The following VPS33B variants were observed in gnomAD, a reference collection of about 807,000 sequenced individuals.
VPS33B encodes the protein vacuolar protein sorting-associated protein 33B.
Under a neutral mutation model 95.3 loss-of-function variants are expected in VPS33B, and 80 were observed. The observed-to-expected ratio is 0.84, with a 90% CI of 0.70 to 1.01. The LOEUF (loss-of-function observed/expected upper bound fraction) is 1.01. Ranked by LOEUF, VPS33B falls within the 50% of genes least tolerant of loss-of-function variation. The probability of loss-of-function intolerance (pLI) is 0.00; values close to 1 mark genes in which losing one functional copy is unlikely to be tolerated. For missense variants in VPS33B, 715 were observed against 773.4 expected, an observed-to-expected ratio of 0.92 and a Z score of 0.90; for synonymous variants, 280 against 280.4, an observed-to-expected ratio of 1.00 and a Z score of 0.01.
chr15:91,021,594 CTGTG>C, intron 1 of VPS33B, among the ~76,000 whole-genome samples: 1 of 152,326 alleles, frequency 6.6e-6, no homozygotes, highest in Non-Finnish European at 1.5e-5. Context: ...TCAGTGGCTA[CTGTG>C]TAACTGCTGA....
chr15:91,012,477 A>C (rs2040809667), intron 5 of VPS33B, among the ~76,000 whole-genome samples: 1 of 152,122 alleles, frequency 6.6e-6, no homozygotes, highest in Admixed American at 6.5e-5. Context: ...CTAACCCAAG[A>C]CCACACAGGT....
Position 91,000,426 on chromosome 15 carries a change from C to T in VPS33B, c.1581+64G>A. 1 of 1,488,436 alleles carries T rather than the reference C, an allele frequency of 6.7e-7. No homozygotes were observed. Among genetic ancestry groups the T allele is most frequent in the Non-Finnish European group, 9.3e-7 (1 of 1,080,336 alleles). The allele number at this position is 1,488,436 out of a possible 1,614,324, so 92.2% of individuals were successfully genotyped here. On this transcript the variant is annotated intron_variant, in intron 20 of 22. Transcript: ENST00000333371. The surrounding 1 kb of genome is among the most constrained non-coding windows in gnomAD (Gnocchi z 4.9). ...AAAAAAAAAAAAACATTGAGACACGCCAGGGACCAAGAGAAAGCAGAGAGA... is the reference window on the plus strand; with the variant it reads ...AAAAAAAAAAAAACATTGAGACACGTCAGGGACCAAGAGAAAGCAGAGAGA...
In VPS33B at chr15:91,006,246, C is replaced by A. The variant is rs550132301; in HGVS notation, c.852+126G>T. ...GATGCTCTGAACTGGTGGGGAAACCCTCTCTCCCATAGACTCAGCCTCCCC... is the reference window on the plus strand; with the variant it reads ...GATGCTCTGAACTGGTGGGGAAACCATCTCTCCCATAGACTCAGCCTCCCC... On this transcript the variant is annotated intron_variant, in intron 11 of 22. Transcript: ENST00000333371. The surrounding 1 kb of genome is among the most constrained non-coding windows in gnomAD (Gnocchi z 5.4). 2.1e-6 allele frequency: 3 copies of A among 1,451,996 alleles called. No individual in the cohort carries two copies. In the African/African-American group the frequency reaches 4.2e-5, roughly 20 times the overall value. The allele number at this position is 1,451,996 out of a possible 1,614,324, so 89.9% of individuals were successfully genotyped here.
intron 1 of VPS33B, among the ~76,000 whole-genome samples, chr15:91,021,485 T>C (rs965909130): frequency 3.9e-5 from 6 of 152,238 alleles, no homozygotes; most frequent in Non-Finnish European, 7.3e-5. Flanking sequence ...ATCTACGGTC[T>C]CCTAACTGGC....
chr15:91,007,907 C>A lies in VPS33B; in HGVS notation c.461G>T (p.Ser154Ile). The stretch of plus-strand genomic sequence containing the variant: ...CCTGAAAAATTCTGGTAGTTCCATG[C>A]TCAGCAGATCCACATCAAGAGGCAG... ...SLLPLDVDLL[S>I]MELPEFFRDY... Residue 154 changes from serine to isoleucine, a missense_variant, in exon 7 of 23, where the codon AGC (serine) becomes ATC (isoleucine). Coordinates refer to ENST00000333371, the MANE Select transcript of VPS33B (RefSeq NM_018668.5). This position sits in a 1 kb window ranked among gnomAD's most constrained non-coding sequence, Gnocchi z 5.3. 1 of 1,614,198 alleles carries A rather than the reference C, an allele frequency of 6.2e-7. No individual in the cohort carries two copies. Among genetic ancestry groups the A allele is most frequent in the Non-Finnish European group, 8.5e-7 (1 of 1,180,048 alleles).
chr15:91,000,754 T>C lies in VPS33B; in HGVS notation c.1480-163A>G, dbSNP rs2151663576. 1 of 642,294 alleles carries C rather than the reference T, an allele frequency of 1.6e-6. No homozygotes were observed. Among genetic ancestry groups the C allele is most frequent in the African/African-American group, 1.8e-5 (1 of 55,088 alleles). 39.8% of individuals were successfully genotyped at this position (642,294 alleles called of 1,614,324 possible). The stretch of plus-strand genomic sequence containing the variant: ...AATCCATAACGGAAGATGGCAGTTT[T>C]TGTTCAGTAACTGCCAGTTCTCTGG... On this transcript the variant is annotated intron_variant, in intron 19 of 22. Transcript: ENST00000333371. This position sits in a 1 kb window ranked among gnomAD's most constrained non-coding sequence, Gnocchi z 4.9.
rs956703495 is a variant in VPS33B, at chr15:91,018,021, A to T, written c.97-136T>A. On this transcript the variant is annotated intron_variant, in intron 1 of 22. Transcript: ENST00000333371. This position sits in a 1 kb window ranked among gnomAD's most constrained non-coding sequence, Gnocchi z 4.7. Reference sequence around the variant, plus strand: ...TAAGTATCGTCTAGCCCGTCACCTTATTTATTATCTGTATCCACAGTTGAC... The same window carrying T: ...TAAGTATCGTCTAGCCCGTCACCTTTTTTATTATCTGTATCCACAGTTGAC... 1.3e-6 allele frequency: 1 copy of T among 772,032 alleles called. No homozygotes were observed. Among genetic ancestry groups the T allele is most frequent in the African/African-American group, 1.7e-5 (1 of 58,818 alleles). The allele number at this position is 772,032 out of a possible 1,614,324, so 47.8% of individuals were successfully genotyped here. A position where few individuals can be genotyped will look rare whatever the true frequency, so the allele number is the denominator to read the frequency against.
chr15:91,007,103 A>G lies in VPS33B; in HGVS notation c.604-57T>C. 1 of 1,583,920 alleles carries G rather than the reference A, an allele frequency of 6.3e-7. No homozygotes were observed. The highest frequency in any genetic ancestry group is 8.6e-7 in the Non-Finnish European group (1 of 1,164,306). ...GTCCAGGTCCCTACTGCAGCCCCAT[A>G]CCTACAGAAGTCAGCCCTTTCCACG... On this transcript the variant is annotated intron_variant, in intron 8 of 22. Transcript: ENST00000333371. The surrounding 1 kb of genome is among the most constrained non-coding windows in gnomAD (Gnocchi z 5.3).
rs1451083281 is a variant in VPS33B, at chr15:91,005,322, G to A, written c.1105+58C>T. 3.7e-6 allele frequency: 6 copies of A among 1,613,912 alleles called. No homozygotes were observed. In the Admixed American group the frequency reaches 5.0e-5, roughly 13 times the overall value. On this transcript the variant is annotated intron_variant, in intron 14 of 22. Coordinates refer to ENST00000333371, the MANE Select transcript of VPS33B (RefSeq NM_018668.5). The surrounding 1 kb of genome is among the most constrained non-coding windows in gnomAD (Gnocchi z 6.4). ...GAACATCTTTTAAGGGTGGGACGGGGCTGGGAGCTGGGGAAGTAGAAGCGT... is the reference window on the plus strand; with the variant it reads ...GAACATCTTTTAAGGGTGGGACGGGACTGGGAGCTGGGGAAGTAGAAGCGT...
rs1457405867 is a variant in VPS33B, at chr15:91,006,349, A to C, written c.852+23T>G. ...ATAAGCAGTGGCCCTAGGTGGGCCCATTGCTAGCACCCACACCCTCACCTT... is the reference window on the plus strand; with the variant it reads ...ATAAGCAGTGGCCCTAGGTGGGCCCCTTGCTAGCACCCACACCCTCACCTT... On this transcript the variant is annotated intron_variant, in intron 11 of 22. Transcript: ENST00000333371. The surrounding 1 kb of genome is among the most constrained non-coding windows in gnomAD (Gnocchi z 5.4). 1.9e-6 allele frequency: 3 copies of C among 1,613,854 alleles called. No homozygotes were observed. Among genetic ancestry groups the C allele is most frequent in the Non-Finnish European group, 2.5e-6 (3 of 1,179,988 alleles).
In VPS33B at chr15:91,016,972, G is replaced by C. The variant is rs1224491118; in HGVS notation, c.230C>G (p.Ser77Cys). ...TCTCCCAGACACTCACTGTTCATTGGAGCTGAGGGCTGGCTTGTTCTCCAC... is the reference window on the plus strand; with the variant it reads ...TCTCCCAGACACTCACTGTTCATTGCAGCTGAGGGCTGGCTTGTTCTCCAC... ...YKVENKPALS[S>C]NEQLCFLVRP... The change falls in exon 3 of 23, where the codon TCC (serine) becomes TGC (cysteine). Residue 77 changes from serine to cysteine, a missense_variant. Ser to Cys is a moderately radical substitution (Grantham distance 112, BLOSUM62 -1). Coordinates refer to ENST00000333371, the MANE Select transcript of VPS33B (RefSeq NM_018668.5). The C allele has an allele frequency of 6.2e-7, 1 of 1,614,018 alleles. No homozygotes were observed. The highest frequency in any genetic ancestry group is 8.5e-7 in the Non-Finnish European group (1 of 1,179,972).
At position 91,022,308 on chromosome 15, in the gene VPS33B, C is replaced by T. The variant is rs2041128971; in HGVS notation, c.-59G>A. 1.3e-6 allele frequency: 2 copies of T among 1,494,684 alleles called. No homozygotes were observed. Among genetic ancestry groups the T allele is most frequent in the Non-Finnish European group, 1.8e-6 (2 of 1,111,720 alleles). The allele number at this position is 1,494,684 out of a possible 1,614,324, so 92.6% of individuals were successfully genotyped here. A position where few individuals can be genotyped will look rare whatever the true frequency, so the allele number is the denominator to read the frequency against. ...CGCCCTTCGTTCTGAGAAGGCCGGC[C>T]GCAGCCCAGGGAAGCGCAAGGGGGG... On this transcript the variant is annotated 5_prime_UTR_variant, in exon 1 of 23. Coordinates refer to ENST00000333371, the MANE Select transcript of VPS33B (RefSeq NM_018668.5).
In VPS33B at chr15:91,009,793, C is replaced by A; in HGVS notation, c.403+8G>T. On this transcript the variant is annotated splice_region_variant and intron_variant, in intron 6 of 22. Transcript: ENST00000333371. The surrounding 1 kb of genome is among the most constrained non-coding windows in gnomAD (Gnocchi z 4.1). ...TTTCCCTTTCCACTCACATTCATCT[C>A]CTCTCACCTCCATAGATTCCCTCTT... 6.2e-7 allele frequency: 1 copy of A among 1,614,122 alleles called. No homozygotes were observed. Among genetic ancestry groups the A allele is most frequent in the Non-Finnish European group, 8.5e-7 (1 of 1,179,982 alleles).
rs1173388965 is a variant in VPS33B, at chr15:91,002,613, G to C, written c.1273-431C>G. Among the ~76,000 whole-genome samples, 1 of 143,990 alleles carries C rather than the reference G, an allele frequency of 6.9e-6. No individual in the cohort carries two copies. Among genetic ancestry groups the C allele is most frequent in the Non-Finnish European group, 1.5e-5 (1 of 66,922 alleles). 94.5% of individuals were successfully genotyped at this position (143,990 alleles called of 152,430 possible). A position where few individuals can be genotyped will look rare whatever the true frequency, so the allele number is the denominator to read the frequency against. On this transcript the variant is annotated intron_variant, in intron 17 of 22. Transcript: ENST00000333371. The surrounding 1 kb of genome is among the most constrained non-coding windows in gnomAD (Gnocchi z 4.7). ...CCACTGCACTCTAGCTTGGGCAACA[G>C]AGCGAGACATCGTCTCGAAATAAAA...
rs2040987409 is a variant in VPS33B, at chr15:91,017,839, G to C, written c.143C>G (p.Pro48Arg). The C allele has an allele frequency of 6.2e-7, 1 of 1,614,120 alleles. No homozygotes were observed. The change falls in exon 2 of 23, where the codon CCT (proline) becomes CGT (arginine). Residue 48 changes from proline (P) to arginine (R), a missense_variant. By Grantham distance (103) the Pro-to-Arg change is moderately radical. Coordinates refer to ENST00000333371, the MANE Select transcript of VPS33B (RefSeq NM_018668.5). ...DLFIEADLMS[P>R]LDRIANVSIL... ...GGAGACATTGGCAATTCGATCCAAA[G>C]GGCTCATGAGATCTGCCTCAATGAA...
In VPS33B at chr15:91,006,921, A is replaced by G. The variant is rs1208931874; in HGVS notation, c.700+29T>C. 8.1e-6 allele frequency: 13 copies of G among 1,613,712 alleles called. No individual in the cohort carries two copies. The highest frequency in any genetic ancestry group is 1.1e-5 in the Non-Finnish European group (13 of 1,179,626). ...TATTCCCGTGTCTTCTAGGGCTGAA[A>G]GATGACAGGAACGCTGGGCATAATT... On this transcript the variant is annotated intron_variant, in intron 9 of 22. Coordinates refer to ENST00000333371, the MANE Select transcript of VPS33B (RefSeq NM_018668.5). This position sits in a 1 kb window ranked among gnomAD's most constrained non-coding sequence, Gnocchi z 5.4.
chr15:91,005,947 C>CA lies in VPS33B; in HGVS notation c.939+25dup, dbSNP rs1362964850. The CA allele has an allele frequency of 6.2e-7, 1 of 1,613,420 alleles. No individual in the cohort carries two copies. Among genetic ancestry groups the CA allele is most frequent in the Non-Finnish European group, 8.5e-7 (1 of 1,179,748 alleles). ...TTGGGAAGCCACTGAGGCAACAAAA[C>CA]AGAGGAGCAGGGCTTGGAGCCTCAC... On this transcript the variant is annotated intron_variant, in intron 12 of 22. Transcript: ENST00000333371. The surrounding 1 kb of genome is among the most constrained non-coding windows in gnomAD (Gnocchi z 6.4).
Position 91,013,726 on chromosome 15 carries a change from G to A in VPS33B, c.357+78C>T. On this transcript the variant is annotated intron_variant, in intron 5 of 22. Transcript: ENST00000333371. This position sits in a 1 kb window ranked among gnomAD's most constrained non-coding sequence, Gnocchi z 4.5. ...GAAAACGAACGGAGACAGGGAGGTA[G>A]TGCTGTTGGCCCCTTACCCCTGCCC... 6.9e-7 allele frequency: 1 copy of A among 1,454,230 alleles called. No homozygotes were observed. Among genetic ancestry groups the A allele is most frequent in the Non-Finnish European group, 9.7e-7 (1 of 1,035,914 alleles). 90.1% of individuals were successfully genotyped at this position (1,454,230 alleles called of 1,614,324 possible). A position where few individuals can be genotyped will look rare whatever the true frequency, so the allele number is the denominator to read the frequency against.
In VPS33B at chr15:91,013,679, C is replaced by T. The variant is rs900279032; in HGVS notation, c.357+125G>A. The T allele has an allele frequency of 3.1e-6, 3 of 973,570 alleles. No individual in the cohort carries two copies. Among genetic ancestry groups the T allele is most frequent in the African/African-American group, 3.2e-5 (2 of 62,592 alleles). The allele number at this position is 973,570 out of a possible 1,614,324, so 60.3% of individuals were successfully genotyped here. On this transcript the variant is annotated intron_variant, in intron 5 of 22. Coordinates refer to ENST00000333371, the MANE Select transcript of VPS33B (RefSeq NM_018668.5). The surrounding 1 kb of genome is among the most constrained non-coding windows in gnomAD (Gnocchi z 4.5). ...CTGTTCATTATAAATTACCTAGTCT[C>T]AGGTATTCTGTTACAGCAACAGAAA...
Sources: gnomAD v4.1 joint callset for allele counts (sites outside exome capture counted in the v4.1 genomes callset) on GRCh38, gnomAD v4.1.1 for gene constraint, Gnocchi (gnomAD v3.1) non-coding constraint, MANE v1.5 for transcripts, NCBI Gene and HGNC (gene_info 2026-07-23, HGNC 2026-07-21) for gene names.